WASF1: variants seen among roughly 807,000 people sequenced by gnomAD.
WASF1 encodes actin-binding protein WASF1.
In WASF1, 7 loss-of-function variants were observed where a neutral mutation model predicts 50.5. The ratio of observed to expected loss-of-function variants is 0.14; its 90% CI spans 0.08 to 0.26. The LOEUF is 0.26. Ranked by LOEUF, WASF1 falls within the 10% of genes least tolerant of loss-of-function variation. The pLI, the probability that WASF1 is intolerant of heterozygous loss-of-function variation, is 1.00. For missense variants in WASF1, 470 were observed against 694.7 expected (o/e 0.68, Z 3.64); for synonymous variants, 205 against 244.0 (o/e 0.84, Z 1.49).
intron 2 of WASF1, among the ~76,000 whole-genome samples, chr6:110,167,245 T>C (rs1776516951): frequency 6.6e-6 from 1 of 151,996 alleles, no homozygotes; most frequent in Non-Finnish European, 1.5e-5. Flanking sequence ...TACTGGTTTA[T>C]GTATCTACTA....
intron 3 of WASF1, among the ~76,000 whole-genome samples, chr6:110,145,486 C>T (rs1775511850): frequency 6.6e-6 from 1 of 152,138 alleles, no homozygotes; most frequent in Non-Finnish European, 1.5e-5. Flanking sequence ...GCCAGAACTT[C>T]CAACGCTATG....
chr6:110,139,606 A>G (rs1775131143), intron 3 of WASF1, among the ~76,000 whole-genome samples: 1 of 152,172 alleles, frequency 6.6e-6, no homozygotes, highest in South Asian at 2.1e-4. Flanking sequence ...TTGACAGACT[A>G]GACTTTCTTC....
At position 110,110,095 on chromosome 6, in the gene WASF1, G is replaced by T. The variant is rs545604793; in HGVS notation, c.269-1414C>A. Among the ~76,000 whole-genome samples, 7 of 152,242 alleles carry T rather than the reference G, an allele frequency of 4.6e-5. No homozygotes were observed. The East Asian group carries it at 1.3e-3, about 29-fold the overall frequency. ...AGTTTTTCCCCACTATCACTAAAAA[G>T]TGGCACTGGAGATACAGTATTTAAT... On this transcript the variant is annotated intron_variant, in intron 5 of 10. Transcript: ENST00000392589.
intron 4 of WASF1, among the ~76,000 whole-genome samples, chr6:110,116,422 T>C (rs1356764034): frequency 6.6e-6 from 1 of 152,172 alleles, no homozygotes; most frequent in Non-Finnish European, 1.5e-5. Flanking sequence ...CACAGAGCCT[T>C]GATCACTGCT....
intron 3 of WASF1, among the ~76,000 whole-genome samples, chr6:110,128,528 A>C (rs1774512542): frequency 6.6e-6 from 1 of 152,250 alleles, no homozygotes; most frequent in South Asian, 2.1e-4. Flanking sequence ...TAACTGATCA[A>C]AAAGTTCAAC....
chr6:110,101,780 T>C lies in WASF1; in HGVS notation c.1330A>G (p.Thr444Ala). ...PPGIRPSSPV[T>A]VTALAHPPSG... ...GGAGGATGAGCAAGAGCTGTAACTG[T>C]GACAGGTGATGATGGTCGAATGCCA... The change falls in exon 10 of 11, where the codon ACA (threonine) becomes GCA (alanine). Residue 444 changes from threonine (T) to alanine (A), a missense_variant. By Grantham distance (58) the Thr-to-Ala change is moderately conservative (BLOSUM62 0). Around this residue, in one of 3 missense-constraint regions of WASF1, gnomAD observed 294 missense variants for 343.5 expected, o/e 0.86. Transcript: ENST00000392589. The C allele has an allele frequency of 6.2e-7, 1 of 1,614,086 alleles. No homozygotes were observed. Among genetic ancestry groups the C allele is most frequent in the Middle Eastern group, 1.6e-4 (1 of 6,062 alleles).
At chr6:110,145,393 T>A (rs948606895) in intron 3 of WASF1, among the ~76,000 whole-genome samples, 1 of 152,230 alleles carries the variant, frequency 6.6e-6, no homozygotes, top group Admixed American at 6.5e-5. Context: ...TATACAATCA[T>A]GTCATCTGCA....
At chr6:110,132,831 C>A (rs185979154) in intron 3 of WASF1, among the ~76,000 whole-genome samples, 27 of 151,638 alleles carry the variant, frequency 1.8e-4, no homozygotes, top group African/African-American at 6.5e-4. Flanking sequence ...GTAATAGTCT[C>A]CAATTCCATT....
At chr6:110,101,076 C>G (rs1773062193) in intron 10 of WASF1, among the ~76,000 whole-genome samples, 1 of 152,102 alleles carries the variant, frequency 6.6e-6, no homozygotes, top group Non-Finnish European at 1.5e-5. Context: ...ATTATTCATT[C>G]TATATGCTCA....
At chr6:110,123,152 T>TAGCATTTATATATAATC (rs1294835849) in intron 4 of WASF1, among the ~76,000 whole-genome samples, 1 of 152,232 alleles carries the variant, frequency 6.6e-6, no homozygotes, top group Non-Finnish European at 1.5e-5. Context: ...ATGTAGACTG[T>TAGCATTTATATATAATC]AGCATTTATA....
intron 3 of WASF1, among the ~76,000 whole-genome samples, chr6:110,144,380 T>C (rs1025681561): frequency 6.6e-6 from 1 of 152,160 alleles, no homozygotes; most frequent in Non-Finnish European, 1.5e-5. Context: ...GTCAGATGAG[T>C]AGGTTGCAAA....
intron 3 of WASF1, among the ~76,000 whole-genome samples, chr6:110,136,120 G>A (rs1437561907): frequency 6.6e-6 from 1 of 151,796 alleles, no homozygotes; most frequent in East Asian, 1.9e-4. Context: ...TCCTGACCTC[G>A]TGATCTGCCC....
At chr6:110,146,868 C>T (rs2114569511) in intron 3 of WASF1, among the ~76,000 whole-genome samples, 1 of 152,156 alleles carries the variant, frequency 6.6e-6, no homozygotes, top group South Asian at 2.1e-4. Flanking sequence ...CTACTCACTA[C>T]TCATGAATCT....
At chr6:110,124,219 TCTCTC>T (rs1562170182) in intron 4 of WASF1, among the ~76,000 whole-genome samples, 1 of 63,856 alleles carries the variant, frequency 1.6e-5, no homozygotes, top group Non-Finnish European at 2.7e-5. Context: ...CTCTCTCTCC[TCTCTC>T]TCCTCTCTCT....
At chr6:110,159,314 A>G (rs1204129149) in intron 3 of WASF1, among the ~76,000 whole-genome samples, 1 of 151,920 alleles carries the variant, frequency 6.6e-6, no homozygotes. Context: ...CGAAAACAAA[A>G]AACAGTCTGT....
chr6:110,142,847 AG>A lies in WASF1; in HGVS notation c.-28-15219del, dbSNP rs536919679. Among the ~76,000 whole-genome samples the A allele has an allele frequency of 5.3e-3, 806 of 151,638 alleles. 9 individuals are homozygous for A. Among genetic ancestry groups the A allele is most frequent in the Non-Finnish European group, 7.8e-3 (532 of 67,852 alleles). ...ATAAGGGGGAACTTTTTTATTAAAA[AG>A]GGCTAAATTATACGGTGCTATAACA... On this transcript the variant is annotated intron_variant, in intron 3 of 10. Coordinates refer to ENST00000392589, the MANE Select transcript of WASF1 (RefSeq NM_003931.3).
chr6:110,108,444 T>C (rs1419597272), intron 6 of WASF1, 84 bp downstream of exon 6: 10 of 1,394,470 alleles, frequency 7.2e-6, no homozygotes, highest in Admixed American at 2.1e-5. Flanking sequence ...AGAACCCCAA[T>C]GAAATAAAGA....
At chr6:110,153,487 A>G (rs773091296) in intron 3 of WASF1, among the ~76,000 whole-genome samples, 50 of 152,300 alleles carry the variant, frequency 3.3e-4, no homozygotes, top group South Asian at 2.1e-4. Flanking sequence ...GATTAAATCA[A>G]TCTATGTTGA....
chr6:110,132,720 T>C (rs539759860), intron 3 of WASF1, among the ~76,000 whole-genome samples: 1 of 151,960 alleles, frequency 6.6e-6, no homozygotes, highest in South Asian at 2.1e-4. Flanking sequence ...CCAAAGTCCA[T>C]TGTATCATTC....
Sources: allele counts gnomAD v4.1 joint callset (sites outside exome capture counted in the v4.1 genomes callset), GRCh38; gene constraint gnomAD v4.1.1; regional missense constraint gnomAD v4.1.1; transcripts MANE v1.5; gene names NCBI Gene and HGNC (gene_info 2026-07-23, HGNC 2026-07-21).